Variants in PRKN observed in about 807,000 individuals in gnomAD.
The protein encoded by PRKN is E3 ubiquitin-protein ligase parkin.
Under a neutral mutation model 59.5 loss-of-function variants are expected in PRKN, and 56 were observed. That is an observed-to-expected ratio of 0.94 (90% CI 0.76 to 1.18). The LOEUF is 1.18. Among genes scored for constraint, PRKN ranks in the 50% most tolerant of loss-of-function variants. The pLI, the probability that PRKN is intolerant of heterozygous loss-of-function variation, is 0.00. For missense variants in PRKN, 657 were observed against 596.4 expected, an observed-to-expected ratio of 1.10 and a Z score of -1.06; for synonymous variants, 250 against 222.1, an observed-to-expected ratio of 1.13 and a Z score of -1.12.
chr6:162,712,542 G>C (rs1189889004), intron 1 of PRKN, among the ~76,000 whole-genome samples: 1 of 152,118 alleles, frequency 6.6e-6, no homozygotes, highest in East Asian at 1.9e-4. Flanking sequence ...TATACAACTT[G>C]CCATACTATG....
At chr6:162,701,819 ACATT>A (rs1210095528) in intron 1 of PRKN, among the ~76,000 whole-genome samples, 3 of 122,732 alleles carry the variant, frequency 2.4e-5, no homozygotes, top group Admixed American at 1.0e-4. Flanking sequence ...ACACACACAC[ACATT>A]CACATACATA....
chr6:161,436,970 T>C lies in PRKN; in HGVS notation c.1084-50093A>G, dbSNP rs118152816. Among the ~76,000 whole-genome samples, 1,206 of 152,208 alleles carry C rather than the reference T, an allele frequency of 7.9e-3. 13 individuals carry two copies. Among genetic ancestry groups the C allele is most frequent in the East Asian group, 0.061 (315 of 5,174 alleles). On this transcript the variant is annotated intron_variant, in intron 9 of 11. Transcript: ENST00000366898. Reference sequence around the variant, plus strand: ...GTGCCTATGAAAATAACAACTAGGATGCTTCTGTTACCATCACAGTCACCC... The same window carrying C: ...GTGCCTATGAAAATAACAACTAGGACGCTTCTGTTACCATCACAGTCACCC...
intron 3 of PRKN, among the ~76,000 whole-genome samples, chr6:162,209,455 CAG>C: frequency 6.6e-6 from 1 of 152,226 alleles, no homozygotes; most frequent in South Asian, 2.1e-4. Flanking sequence ...CAGAAAACAA[CAG>C]ATGCTGGAGA....
At chr6:161,955,368 A>G (rs1180794625) in intron 6 of PRKN, among the ~76,000 whole-genome samples, 1 of 152,214 alleles carries the variant, frequency 6.6e-6, no homozygotes, top group African/African-American at 2.4e-5. Context: ...ATTTAAGGGT[A>G]TTATTATATC....
intron 4 of PRKN, among the ~76,000 whole-genome samples, chr6:162,116,340 T>A (rs1780671642): frequency 6.6e-6 from 1 of 152,196 alleles, no homozygotes; most frequent in African/African-American, 2.4e-5. Flanking sequence ...CCTACTTGAG[T>A]GTCCCACTGG....
intron 1 of PRKN, among the ~76,000 whole-genome samples, chr6:162,681,512 T>C (rs928256500): frequency 6.6e-6 from 1 of 152,160 alleles, no homozygotes; most frequent in Non-Finnish European, 1.5e-5. Flanking sequence ...CCACCTTGTC[T>C]GCATGGTAGA....
rs1317780000 is a variant in PRKN at position 161,552,598 on chromosome 6, AAAAAAC to A, written c.934-3601_934-3596del. ...TTGAAAAAAAACAAAAACAAAAAAC[AAAAAAC>A]AAAAAACTTTTTATTGTAAATATCA... On this transcript the variant is annotated intron_variant, in intron 8 of 11. Transcript: ENST00000366898. The surrounding 1 kb of genome is among the most constrained non-coding windows in gnomAD (Gnocchi z 4.9). 5.9e-3 allele frequency among the ~76,000 whole-genome samples: 882 copies of A among 149,444 alleles called. 12 individuals carry two copies. Among genetic ancestry groups the A allele is most frequent in the African/African-American group, 0.022 (838 of 38,966 alleles).
intron 6 of PRKN, among the ~76,000 whole-genome samples, chr6:161,897,950 G>A (rs913511876): frequency 6.7e-5 from 3 of 44,958 alleles, no homozygotes; most frequent in Non-Finnish European, 1.4e-4. Context: ...CTGGGTGACA[G>A]AGCGAGACTC....
At chr6:162,252,265 G>C (rs1008325367) in intron 3 of PRKN, among the ~76,000 whole-genome samples, 39 of 152,270 alleles carry the variant, frequency 2.6e-4, no homozygotes, top group African/African-American at 8.4e-4. Flanking sequence ...TCACTGTATT[G>C]GGGGCAGGTG....
rs574718893 is a variant in PRKN, at chr6:161,404,919, A to G, written c.1084-18042T>C. Among the ~76,000 whole-genome samples, 13 of 152,320 alleles carry G rather than the reference A, an allele frequency of 8.5e-5. No individual in the cohort carries two copies. In the East Asian group the frequency reaches 2.3e-3, roughly 27 times the overall value. On this transcript the variant is annotated intron_variant, in intron 9 of 11. Transcript: ENST00000366898. ...GCGAAGCCGTAAATACTGCAATGGAATGGAGTTCCAGCAGAAAAGTATATG... is the reference window on the plus strand; with the variant it reads ...GCGAAGCCGTAAATACTGCAATGGAGTGGAGTTCCAGCAGAAAAGTATATG...
intron 4 of PRKN, among the ~76,000 whole-genome samples, chr6:162,083,610 T>C (rs1318701407): frequency 6.6e-6 from 1 of 152,122 alleles, no homozygotes; most frequent in Non-Finnish European, 1.5e-5. Flanking sequence ...TTTTTCTGAT[T>C]ATGAACTAAA....
At position 162,021,131 on chromosome 6, in the gene PRKN, T is replaced by A. The variant is rs1406415165; in HGVS notation, c.618+32960A>T. Among the ~76,000 whole-genome samples the A allele has an allele frequency of 9.3e-4, 4 of 4,286 alleles. No homozygotes were observed. The African/African-American group carries it at 0.015, about 16-fold the overall frequency. The allele number at this position is 4,286 out of a possible 152,430, so 2.8% of individuals were successfully genotyped here. A position where few individuals can be genotyped will look rare whatever the true frequency, so the allele number is the denominator to read the frequency against. On this transcript the variant is annotated intron_variant, in intron 5 of 11. Transcript: ENST00000366898. ...AAAAAAACAAAAACATATATATATA[T>A]ATATATATATATATATATATATATA...
chr6:162,640,885 C>T (rs1434519275), intron 1 of PRKN, among the ~76,000 whole-genome samples: 5 of 152,096 alleles, frequency 3.3e-5, no homozygotes, highest in Admixed American at 3.3e-4. Context: ...ACCAGGCAAA[C>T]ATCAGAAGGG....
At chr6:161,792,504 A>G (rs964031260) in intron 6 of PRKN, among the ~76,000 whole-genome samples, 1 of 152,218 alleles carries the variant, frequency 6.6e-6, no homozygotes, top group Non-Finnish European at 1.5e-5. Flanking sequence ...AAGTTATTAC[A>G]TATGTATGAA....
At chr6:161,632,066 C>G (rs9456691) in intron 7 of PRKN, among the ~76,000 whole-genome samples, 8,175 of 152,210 alleles carry the variant, frequency 0.054, 765 homozygotes, top group African/African-American at 0.19. Context: ...TAAGCCAAAC[C>G]AAGACTGTGC....
intron 1 of PRKN, among the ~76,000 whole-genome samples, chr6:162,598,602 C>G (rs1345910360): frequency 6.6e-6 from 1 of 151,962 alleles, no homozygotes; most frequent in Non-Finnish European, 1.5e-5. Flanking sequence ...CCTGTAAACC[C>G]AGAACTTTGG....
Position 161,447,316 on chromosome 6 carries a change from G to A in PRKN, c.1084-60439C>T, listed in dbSNP as rs983665611. ...GCGGCTAAACCCTAAAATTCACTTC[G>A]AAACTCCTAACAGCAGAATTCCCCA... On this transcript the variant is annotated intron_variant, in intron 9 of 11. Transcript: ENST00000366898. The surrounding 1 kb of genome is among the most constrained non-coding windows in gnomAD (Gnocchi z 4.1). Among the ~76,000 whole-genome samples the A allele has an allele frequency of 2.0e-5, 3 of 152,192 alleles. No homozygotes were observed. Among genetic ancestry groups the A allele is most frequent in the South Asian group, 2.1e-4 (1 of 4,832 alleles).
At chr6:162,332,512 G>A (rs889103915) in intron 2 of PRKN, among the ~76,000 whole-genome samples, 12 of 151,916 alleles carry the variant, frequency 7.9e-5, no homozygotes, top group African/African-American at 2.7e-4. Context: ...GTAAATTATC[G>A]TATCAGTATA....
chr6:162,305,543 C>T (rs1015449126), intron 2 of PRKN, among the ~76,000 whole-genome samples: 29 of 152,042 alleles, frequency 1.9e-4, no homozygotes, highest in Non-Finnish European at 3.1e-4. Flanking sequence ...TGCTTTTAGA[C>T]CATGGGTCCA....
Sources: allele counts gnomAD v4.1 joint callset (sites outside exome capture counted in the v4.1 genomes callset), GRCh38; gene constraint gnomAD v4.1.1; non-coding constraint Gnocchi (gnomAD v3.1); transcripts MANE v1.5; gene names NCBI Gene and HGNC (gene_info 2026-07-23, HGNC 2026-07-21).